RTN4: variants seen among roughly 807,000 people sequenced by gnomAD.
RTN4 encodes the protein reticulon-4.
Under a neutral mutation model 90.4 loss-of-function variants are expected in RTN4, and 32 were observed. The ratio of observed to expected loss-of-function variants is 0.35; its 90% CI spans 0.27 to 0.48. The LOEUF (loss-of-function observed/expected upper bound fraction) is 0.48, where lower values mean the gene tolerates loss of function less well. Among genes scored for constraint, RTN4 ranks in the 20% least tolerant of loss-of-function variants. The pLI is 0.99. For missense variants in RTN4, 1,706 were observed against 1,430.2 expected, an observed-to-expected ratio of 1.19 and a Z score of -3.11; for synonymous variants, 629 against 552.5, an observed-to-expected ratio of 1.14 and a Z score of -1.94.
chr2:55,082,351 A>T (rs1476358917), intron 1 of RTN4, among the ~76,000 whole-genome samples: 1 of 152,110 alleles, frequency 6.6e-6, no homozygotes, highest in Non-Finnish European at 1.5e-5. Context: ...GCTATTGTAG[A>T]TTCATATATC....
At chr2:55,136,916 T>C in the RTN4 span, among the ~76,000 whole-genome samples, 1 of 152,110 alleles carries the variant, frequency 6.6e-6, no homozygotes, top group Non-Finnish European at 1.5e-5. Flanking sequence ...GTTACAAAGG[T>C]GAACGGCCTG....
intron 4 of RTN4, among the ~76,000 whole-genome samples, chr2:54,986,922 G>C (rs577202555): frequency 6.6e-6 from 1 of 152,262 alleles, no homozygotes; most frequent in South Asian, 2.1e-4. Flanking sequence ...CTGAGGTTGT[G>C]TCTCCATAGC....
chr2:55,009,808 T>C (rs1335210133), intron 3 of RTN4, among the ~76,000 whole-genome samples: 1 of 152,192 alleles, frequency 6.6e-6, no homozygotes, highest in Non-Finnish European at 1.5e-5. Flanking sequence ...ATGAAATCTG[T>C]TAGATCTATA....
chr2:55,104,881 A>C (rs1393412861), intron 1 of RTN4, among the ~76,000 whole-genome samples: 1 of 152,008 alleles, frequency 6.6e-6, no homozygotes, highest in African/African-American at 2.4e-5. Flanking sequence ...ATCTTGGTTC[A>C]CTGCAACCTC....
intron 3 of RTN4, among the ~76,000 whole-genome samples, chr2:55,000,268 G>T (rs375544728): frequency 5.9e-5 from 9 of 152,254 alleles, no homozygotes; most frequent in African/African-American, 2.2e-4. Context: ...TGCTACAAAA[G>T]TATCTCAACC....
chr2:55,026,390 T>C lies in RTN4; in HGVS notation c.1709A>G (p.Lys570Arg), dbSNP rs1681875457. Residue 570 changes from lysine to arginine, a missense_variant, in exon 3 of 9, where the codon AAG (lysine) becomes AGG (arginine). Coordinates refer to ENST00000337526, the MANE Select transcript of RTN4 (RefSeq NM_020532.5). ...ESELNEVTGTKIAYETKMDLV... is the reference protein window; with the variant it reads ...ESELNEVTGTRIAYETKMDLV... ...GTCCATTTTTGTTTCATAAGCAATC[T>C]TTGTACCAGTAACTTCATTCAATTC... is the stretch of plus-strand genomic sequence containing the variant. 3 of 1,613,820 alleles carry C rather than the reference T, an allele frequency of 1.9e-6. No homozygotes were observed. Among genetic ancestry groups the C allele is most frequent in the South Asian group, 1.1e-5 (1 of 91,082 alleles).
chr2:54,985,153 CTTTTTTTTTTTTTT>C lies in RTN4; in HGVS notation c.3221+2324_3221+2337del, dbSNP rs71769973. On this transcript the variant is annotated intron_variant, in intron 4 of 8. Coordinates refer to ENST00000337526, the MANE Select transcript of RTN4 (RefSeq NM_020532.5). ...TGGCTTGATAATAATATGACTCGGC[CTTTTTTTTTTTTTT>C]TTTTTTTTTTTTGAAAGAGTCTCGT... is the stretch of plus-strand genomic sequence containing the variant. Among the ~76,000 whole-genome samples the C allele has an allele frequency of 4.1e-4, 24 of 57,896 alleles. No individual in the cohort carries two copies. In the East Asian group the frequency reaches 0.01, roughly 24 times the overall value. 38.0% of individuals were successfully genotyped at this position (57,896 alleles called of 152,430 possible).
upstream of RTN4, among the ~76,000 whole-genome samples, chr2:55,051,588 C>T (rs1381061673): frequency 6.6e-6 from 1 of 152,130 alleles, no homozygotes; most frequent in Non-Finnish European, 1.5e-5. Flanking sequence ...ACTCTGGAGG[C>T]CCTGGAGAGA....
rs57202019 is a variant in RTN4, at chr2:55,066,193, T to TTGTGTGTGTGTGTGTG, written c.-63+14280_-63+14295dup. On this transcript the variant is annotated intron_variant, in intron 2 of 3. Coordinates refer to the RTN4 transcript ENST00000427710. Reference sequence around the variant, plus strand: ...TTTGTGTGTGTGTGTGTGTGTGTGTTTGTGTGTGTGTGTGTGTGTGTGTGT... The same window carrying TTGTGTGTGTGTGTGTG: ...TTTGTGTGTGTGTGTGTGTGTGTGTTTGTGTGTGTGTGTGTGTGTGTGTGTGTGTGTGTGTGTGTGT... 2.7e-5 allele frequency among the ~76,000 whole-genome samples: 3 copies of TTGTGTGTGTGTGTGTG among 111,048 alleles called. 1 individual carries two copies. The highest frequency in any genetic ancestry group is 1.0e-4 in the Admixed American group (1 of 9,860). The allele number at this position is 111,048 out of a possible 152,430, so 72.9% of individuals were successfully genotyped here. A position where few individuals can be genotyped will look rare whatever the true frequency, so the allele number is the denominator to read the frequency against.
the RTN4 span, among the ~76,000 whole-genome samples, chr2:55,133,531 A>G: frequency 6.6e-6 from 1 of 152,150 alleles, no homozygotes; most frequent in Non-Finnish European, 1.5e-5. Flanking sequence ...CCACACCGGT[A>G]TGTGTTCAGT....
At chr2:55,070,661 T>C (rs921771457) in intron 2 of RTN4, among the ~76,000 whole-genome samples, 4 of 151,878 alleles carry the variant, frequency 2.6e-5, no homozygotes, top group African/African-American at 7.3e-5. Flanking sequence ...GGGAGCAAAA[T>C]TGACTTTGGT....
At chr2:55,078,170 C>A (rs58156158) in intron 2 of RTN4, among the ~76,000 whole-genome samples, 1 of 151,900 alleles carries the variant, frequency 6.6e-6, no homozygotes. Context: ...CCCAAAAAAC[C>A]TATTGAAATA....
At chr2:55,128,685 G>A in the RTN4 span, among the ~76,000 whole-genome samples, 1 of 151,896 alleles carries the variant, frequency 6.6e-6, no homozygotes, top group Non-Finnish European at 1.5e-5. Flanking sequence ...AACAATGAAA[G>A]ATATAGGCAA....
rs200186382 is a variant in RTN4 at position 55,027,380 on chromosome 2, G to C, written c.719C>G (p.Pro240Arg). ...TTCTTTGAAAGAAGCGGCTGAGAGA[G>C]GAGACAGAGAAGGAAGAGAAGCAGC... is the stretch of plus-strand genomic sequence containing the variant. ...ETAASLPSLS[P>R]LSAASFKEHE... The change falls in exon 3 of 9, where the codon CCT (proline) becomes CGT (arginine). Residue 240 changes from proline (P) to arginine (R), a missense_variant. Coordinates refer to ENST00000337526, the MANE Select transcript of RTN4 (RefSeq NM_020532.5). The C allele has an allele frequency of 2.5e-6, 4 of 1,613,754 alleles. No individual in the cohort carries two copies. The highest frequency in any genetic ancestry group is 2.2e-5 in the East Asian group (1 of 44,872).
chr2:55,119,597 T>C, the RTN4 span, among the ~76,000 whole-genome samples: 1 of 152,342 alleles, frequency 6.6e-6, no homozygotes, highest in Admixed American at 6.5e-5. Context: ...ACTTGTATTC[T>C]CTGGGCAGAG....
intron 3 of RTN4, among the ~76,000 whole-genome samples, chr2:55,008,912 C>T (rs981174152): frequency 3.3e-5 from 5 of 152,116 alleles, no homozygotes; most frequent in African/African-American, 9.7e-5. Context: ...CAACGGCTAA[C>T]AGGATGAAGA....
At position 54,973,117 on chromosome 2, in the gene RTN4, C is replaced by T. The variant is rs756245158; in HGVS notation, c.*39G>A. ...CCCCCGTATAATCAAATGAATATCC[C>T]CTTTAAAGATGAACTCCTACTAATT... On this transcript the variant is annotated 3_prime_UTR_variant, in exon 9 of 9. Coordinates refer to ENST00000337526, the MANE Select transcript of RTN4 (RefSeq NM_020532.5). 3 of 1,555,198 alleles carry T rather than the reference C, an allele frequency of 1.9e-6. No homozygotes were observed. Among genetic ancestry groups the T allele is most frequent in the Non-Finnish European group, 2.7e-6 (3 of 1,129,886 alleles).
intron 1 of RTN4, among the ~76,000 whole-genome samples, chr2:55,091,773 C>G (rs370135203): frequency 6.6e-6 from 1 of 152,160 alleles, no homozygotes; most frequent in African/African-American, 2.4e-5. Context: ...ACTTACAGTT[C>G]CACATGGCTG....
the RTN4 span, among the ~76,000 whole-genome samples, chr2:55,130,054 A>T: frequency 3.1e-4 from 47 of 152,326 alleles, no homozygotes; most frequent in African/African-American, 1.1e-3. Flanking sequence ...ATGTACAAAA[A>T]TGCTAATTAT....
Sources: allele counts gnomAD v4.1 joint callset (sites outside exome capture counted in the v4.1 genomes callset), GRCh38; gene constraint gnomAD v4.1.1; transcripts MANE v1.5; gene names NCBI Gene and HGNC (gene_info 2026-07-23, HGNC 2026-07-21).